MAP7: variants seen among roughly 807,000 people sequenced by gnomAD.
MAP7 encodes microtubule associated protein 7.
In MAP7, 52 loss-of-function variants were observed where a neutral mutation model predicts 94.8. The ratio of observed to expected loss-of-function variants is 0.55; its 90% CI spans 0.44 to 0.69. The LOEUF (loss-of-function observed/expected upper bound fraction) is 0.69. Among genes scored for constraint, MAP7 ranks in the 30% least tolerant of loss-of-function variants. The probability of loss-of-function intolerance (pLI) is 0.00; values close to 1 mark genes in which losing one functional copy is unlikely to be tolerated. For missense variants in MAP7, 940 were observed against 964.6 expected (o/e 0.97, Z 0.34); for synonymous variants, 350 against 357.0 (o/e 0.98, Z 0.22).
chr6:136,456,133 A>G (rs1802780999), intron 1 of MAP7, among the ~76,000 whole-genome samples: 1 of 152,222 alleles, frequency 6.6e-6, no homozygotes, highest in South Asian at 2.1e-4. Context: ...TGTGCTCCCA[A>G]GTGTACATAC....
At position 136,345,955 on chromosome 6, in the gene MAP7, T is replaced by C; in HGVS notation, c.2140A>G (p.Ser714Gly). 6.2e-7 allele frequency: 1 copy of C among 1,614,034 alleles called. No individual in the cohort carries two copies. Among genetic ancestry groups the C allele is most frequent in the Non-Finnish European group, 8.5e-7 (1 of 1,179,886 alleles). The change falls in exon 17 of 18, where the codon AGC (serine) becomes GGC (glycine). Residue 714 changes from serine (S) to glycine (G), a missense_variant. By Grantham distance (56) the Ser-to-Gly change is moderately conservative. Transcript: ENST00000354570. The part of the protein sequence containing the change: ...PSRLDVTNSE[S>G]PEIPLNPILA... ...ATTGGATTCAAAGGAATTTCTGGGC[T>C]CTCACTGTTGGTGACATCTAATCTG...
chr6:136,494,249 G>A (rs1271639007), intron 1 of MAP7, among the ~76,000 whole-genome samples: 2 of 152,208 alleles, frequency 1.3e-5, no homozygotes, highest in Non-Finnish European at 2.9e-5. Context: ...AAGAAAGGCT[G>A]CATTCATAGG....
intron 15 of MAP7, among the ~76,000 whole-genome samples, chr6:136,357,979 G>A (rs1433991945): frequency 1.3e-5 from 2 of 152,192 alleles, no homozygotes; most frequent in Non-Finnish European, 2.9e-5. Flanking sequence ...TCGCCTGCCT[G>A]CATACCCACC....
chr6:136,359,358 C>T (rs1016573470), intron 15 of MAP7, among the ~76,000 whole-genome samples: 2 of 152,070 alleles, frequency 1.3e-5, no homozygotes, highest in African/African-American at 4.8e-5. Flanking sequence ...AGATAAATAA[C>T]ATTTAAATCA....
chr6:136,346,000 G>A lies in MAP7; in HGVS notation c.2095C>T (p.Pro699Ser), dbSNP rs1582618376. ...NENFEEIINL[P>S]IGSKPSRLDV... ...AATCTGGATGGTTTAGATCCAATGG[G>A]TAAGTTTATAATTTCTTCAAAATTT... Residue 699 changes from proline to serine, a missense_variant, in exon 17 of 18, where the codon CCC becomes TCC. Coordinates refer to ENST00000354570, the MANE Select transcript of MAP7 (RefSeq NM_003980.6). 4 of 1,613,104 alleles carry A rather than the reference G, an allele frequency of 2.5e-6. No homozygotes were observed. Among genetic ancestry groups the A allele is most frequent in the African/African-American group, 1.3e-5 (1 of 74,910 alleles).
intron 15 of MAP7, 34 bp downstream of exon 15, chr6:136,359,786 A>G (rs1442041588): frequency 1.9e-6 from 3 of 1,577,050 alleles, no homozygotes; most frequent in Non-Finnish European, 1.7e-6. Context: ...AACATTTTAT[A>G]TATAAATTGG....
intron 16 of MAP7, among the ~76,000 whole-genome samples, chr6:136,355,315 G>C (rs190842718): frequency 1.1e-4 from 16 of 149,876 alleles, no homozygotes; most frequent in African/African-American, 2.9e-4. Context: ...TAAGTTTTAG[G>C]GAATGAATTT....
chr6:136,542,453 T>C (rs1829402339), intron 1 of MAP7, among the ~76,000 whole-genome samples: 1 of 152,210 alleles, frequency 6.6e-6, no homozygotes, highest in Non-Finnish European at 1.5e-5. Context: ...ATATAAGATG[T>C]TCCAATAAGG....
chr6:136,461,476 T>G (rs1805190304), intron 1 of MAP7, among the ~76,000 whole-genome samples: 1 of 152,350 alleles, frequency 6.6e-6, no homozygotes, highest in South Asian at 2.1e-4. Context: ...ATGAAACCTT[T>G]GCATTGTTAA....
intron 8 of MAP7, 54 bp from the exon 9 acceptor site, chr6:136,366,493 C>A: frequency 8.6e-7 from 1 of 1,164,606 alleles, no homozygotes; most frequent in Non-Finnish European, 1.3e-6. Flanking sequence ...GGCAAACACA[C>A]TCACAATACT....
Position 136,359,858 on chromosome 6 carries a change from T to C in MAP7, c.1874A>G (p.Asn625Ser). 1 of 1,613,576 alleles carries C rather than the reference T, an allele frequency of 6.2e-7. No individual in the cohort carries two copies. The highest frequency in any genetic ancestry group is 8.5e-7 in the Non-Finnish European group (1 of 1,179,950). Residue 625 changes from asparagine to serine, a missense_variant, in exon 15 of 18, where the codon AAC becomes AGC. Coordinates refer to ENST00000354570, the MANE Select transcript of MAP7 (RefSeq NM_003980.6). ...GAGAGCTCCCTTGGCTATATCACCG[T>C]TTCTCTGATCACTGGTTTTCTACGA... ...ATDKKTSDQRNGDIAKGALTG... is the reference protein window; with the variant it reads ...ATDKKTSDQRSGDIAKGALTG...
At chr6:136,489,474 A>G (rs1289692557) in intron 1 of MAP7, among the ~76,000 whole-genome samples, 1 of 150,454 alleles carries the variant, frequency 6.6e-6, no homozygotes, top group African/African-American at 2.5e-5. Context: ...TTTGGCAACA[A>G]TATACTCTAG....
rs550407130 is a variant in MAP7 at position 136,383,770 on chromosome 6, G to T, written c.538C>A (p.Arg180=). 1.2e-6 allele frequency: 2 copies of T among 1,603,136 alleles called. No individual in the cohort carries two copies. The highest frequency in any genetic ancestry group is 2.2e-5 in the South Asian group (2 of 90,402). Residue 180 remains arginine (R), a synonymous_variant, in exon 6 of 18, where the codon CGG becomes AGG. Transcript: ENST00000354570. Reference sequence around the variant, plus strand: ...GAAAGATTCATGGTGGAAACTGACCGCCTGTCTGGATCTAAAACAAATGGA... The same window carrying T: ...GAAAGATTCATGGTGGAAACTGACCTCCTGTCTGGATCTAAAACAAATGGA... The part of the protein sequence containing the change: ...PSIHSADPDR[R]SVSTMNLSKY...
Position 136,372,689 on chromosome 6 carries a change from G to C in MAP7, c.752-64C>G, listed in dbSNP as rs553454332. On this transcript the variant is annotated intron_variant, in intron 7 of 17. Transcript: ENST00000354570. The stretch of plus-strand genomic sequence containing the variant: ...ATTGGTTTTACACACAAGAGTGCCA[G>C]AGGAGCAGTTGAAGAAAGCCAAAAG... 5 of 1,608,650 alleles carry C rather than the reference G, an allele frequency of 3.1e-6. No homozygotes were observed. In the African/African-American group the frequency reaches 6.7e-5, roughly 21 times the overall value.
chr6:136,375,624 T>C (rs551132710), intron 7 of MAP7, among the ~76,000 whole-genome samples: 1 of 152,306 alleles, frequency 6.6e-6, no homozygotes, highest in Non-Finnish European at 1.5e-5. Flanking sequence ...TGTTTGCATA[T>C]ATACTTCTAA....
chr6:136,362,360 CA>C lies in MAP7; in HGVS notation c.1526+89del, dbSNP rs1793067606. 4 of 1,479,954 alleles carry C rather than the reference CA, an allele frequency of 2.7e-6. No individual in the cohort carries two copies. In the Admixed American group the frequency reaches 7.7e-5, roughly 28 times the overall value. 91.7% of individuals were successfully genotyped at this position (1,479,954 alleles called of 1,614,324 possible). ...AAAGAACTAATCCATTCACTTTCAT[CA>C]GTATTATCACCTCCTCCCTCTCAGA... is the stretch of plus-strand genomic sequence containing the variant. On this transcript the variant is annotated intron_variant, in intron 11 of 17. Coordinates refer to ENST00000354570, the MANE Select transcript of MAP7 (RefSeq NM_003980.6).
intron 10 of MAP7, among the ~76,000 whole-genome samples, chr6:136,365,348 A>G (rs1031449861): frequency 1.2e-4 from 19 of 152,220 alleles, no homozygotes; most frequent in Non-Finnish European, 2.5e-4. Flanking sequence ...GACAGTTTTC[A>G]ACTAGAGATA....
chr6:136,401,003 T>C (rs1203886984), intron 3 of MAP7, among the ~76,000 whole-genome samples: 1 of 152,192 alleles, frequency 6.6e-6, no homozygotes, highest in African/African-American at 2.4e-5. Context: ...TCATGCATGG[T>C]GCACCCTAAC....
intron 1 of MAP7, among the ~76,000 whole-genome samples, chr6:136,470,220 T>C (rs1808504687): frequency 1.3e-5 from 2 of 152,050 alleles, no homozygotes; most frequent in African/African-American, 4.8e-5. Flanking sequence ...TTTTGGCTAC[T>C]AAGAGAGAAA....
Sources: gnomAD v4.1 joint callset for allele counts (sites outside exome capture counted in the v4.1 genomes callset) on GRCh38, gnomAD v4.1.1 for gene constraint, MANE v1.5 for transcripts, NCBI Gene and HGNC (gene_info 2026-07-23, HGNC 2026-07-21) for gene names.